The following PACRGL variants were observed in gnomAD, a reference collection of about 807,000 sequenced individuals.
PACRGL encodes parkin coregulated like, also known as PACRG-like protein.
A neutral mutation model predicts 34.5 loss-of-function variants in PACRGL; 38 were observed. The observed-to-expected ratio is 1.10, with a 90% CI of 0.85 to 1.44. The LOEUF is 1.44. PACRGL is among the 40% of genes most tolerant of loss of function. The pLI is 0.00. For missense variants in PACRGL, 305 were observed against 281.4 expected (o/e 1.08, Z -0.60); for synonymous variants, 128 against 100.1 (o/e 1.28, Z -1.66).
At chr4:20,742,139 G>C (rs960666339) in intron 8 of PACRGL, among the ~76,000 whole-genome samples, 1 of 152,102 alleles carries the variant, frequency 6.6e-6, no homozygotes, top group Non-Finnish European at 1.5e-5. Flanking sequence ...TCTACCAGAG[G>C]TACAAAGAGG....
intron 6 of PACRGL, 60 bp from the exon 7 acceptor site, chr4:20,713,372 C>G (rs1448397541): frequency 1.5e-6 from 2 of 1,324,626 alleles, no homozygotes; most frequent in Non-Finnish European, 2.2e-6. Flanking sequence ...CCTATCTTTT[C>G]TTTCCTTTTC....
At chr4:20,752,855 T>C (rs772112754) in exon 9 of PACRGL, 4 of 152,212 alleles carry the variant, frequency 2.6e-5, no homozygotes, top group Non-Finnish European at 4.4e-5. Context: ...CTGGTTTTAC[T>C]CAACTGTGTT....
intron 5 of PACRGL, among the ~76,000 whole-genome samples, chr4:20,711,175 A>G (rs1375419307): frequency 6.6e-6 from 1 of 151,748 alleles, no homozygotes. Flanking sequence ...TTTTTTTTAG[A>G]CTAGTCAAAA....
Position 20,705,440 on chromosome 4 carries a change from A to G in PACRGL, c.207+626A>G, listed in dbSNP as rs925515709. ...CTCCTGACTGACTGTGGTGGTAGGTAGGGGTATGGCAGTTACTTAAGGAAG... is the reference window on the plus strand; with the variant it reads ...CTCCTGACTGACTGTGGTGGTAGGTGGGGGTATGGCAGTTACTTAAGGAAG... On this transcript the variant is annotated intron_variant, in intron 3 of 8. Transcript: ENST00000503585. Among the ~76,000 whole-genome samples the G allele has an allele frequency of 5.9e-5, 9 of 152,264 alleles. No homozygotes were observed. The East Asian group carries it at 1.4e-3, about 23-fold the overall frequency.
At chr4:20,719,246 C>CT (rs1741771618) in intron 7 of PACRGL, among the ~76,000 whole-genome samples, 1 of 152,098 alleles carries the variant, frequency 6.6e-6, no homozygotes, top group Non-Finnish European at 1.5e-5. Context: ...TGCTAGCAGT[C>CT]TATCAATTTT....
the PACRGL span, among the ~76,000 whole-genome samples, chr4:20,760,211 C>T: frequency 6.6e-6 from 1 of 152,056 alleles, no homozygotes; most frequent in Non-Finnish European, 1.5e-5. Flanking sequence ...TCAGAGCTCC[C>T]CTGACTCTAG....
At position 20,704,806 on chromosome 4, in the gene PACRGL, A is replaced by G. The variant is rs777233022; in HGVS notation, c.199A>G (p.Ile67Val). 1.2e-6 allele frequency: 2 copies of G among 1,613,916 alleles called. No homozygotes were observed. The highest frequency in any genetic ancestry group is 4.5e-5 in the East Asian group (2 of 44,856). The change falls in exon 3 of 9, where the codon ATT becomes GTT. Residue 67 changes from isoleucine (I) to valine (V), a missense_variant. Physicochemically the swap from Ile to Val is conservative, Grantham distance 29. Transcript: ENST00000503585. Reference protein sequence around the residue: ...RPSDKLNPKTINPFGEQSRVP... With the variant: ...RPSDKLNPKTVNPFGEQSRVP... ...AAGTGATAAACTGAACCCTAAAACA[A>G]TTAATCCGGTAGGTCCAAAACTATT...
chr4:20,718,110 G>A (rs1741054311), intron 7 of PACRGL, among the ~76,000 whole-genome samples: 1 of 152,228 alleles, frequency 6.6e-6, no homozygotes, highest in East Asian at 1.9e-4. Context: ...GTGAATGGGA[G>A]TTCACTCATG....
chr4:20,725,427 T>C (rs1416746185), intron 8 of PACRGL, among the ~76,000 whole-genome samples: 3 of 152,140 alleles, frequency 2.0e-5, no homozygotes, highest in Non-Finnish European at 4.4e-5. Context: ...TTATTCTAAC[T>C]TTTCAAGGTA....
intron 8 of PACRGL, 44 bp downstream of exon 8, chr4:20,724,932 G>A (rs933632375): frequency 2.6e-6 from 3 of 1,132,442 alleles, no homozygotes; most frequent in Non-Finnish European, 3.5e-6. Flanking sequence ...TTAACTTTTA[G>A]GTGTATTACT....
intron 8 of PACRGL, among the ~76,000 whole-genome samples, chr4:20,748,560 TTA>T (rs3075750): frequency 0.054 from 3,418 of 63,698 alleles, 38 homozygotes; most frequent in African/African-American, 0.07. Context: ...CTTCCAAATT[TTA>T]TATATATATA....
In PACRGL at chr4:20,729,271, A is replaced by AACATCCTTGTTTT; in HGVS notation, c.*1931_*1943dup. ...TCCTGACCCTTTGCATATGTCTGTA[A>AACATCCTTGTTTT]ACATCCTTGTTTTGTTTGATGCCTT... On this transcript the variant is annotated 3_prime_UTR_variant, in exon 9 of 9. Transcript: ENST00000503585. 1.3e-5 allele frequency: 2 copies of AACATCCTTGTTTT among 152,214 alleles called. No individual in the cohort carries two copies. Among genetic ancestry groups the AACATCCTTGTTTT allele is most frequent in the Non-Finnish European group, 2.9e-5 (2 of 67,982 alleles). 9.4% of individuals were successfully genotyped at this position (152,214 alleles called of 1,614,324 possible). A position where few individuals can be genotyped will look rare whatever the true frequency, so the allele number is the denominator to read the frequency against.
At chr4:20,696,372 T>C (rs754239237), upstream of PACRGL, 1 of 152,088 alleles carries the variant, frequency 6.6e-6, no homozygotes, top group Admixed American at 6.5e-5. Context: ...GAAAAACACA[T>C]GAGCAATCTA....
At chr4:20,764,478 C>A in the PACRGL span, among the ~76,000 whole-genome samples, 1 of 152,112 alleles carries the variant, frequency 6.6e-6, no homozygotes, top group Non-Finnish European at 1.5e-5. Context: ...ATGCATCCTT[C>A]TGTGACTGCA....
At position 20,704,817 on chromosome 4, in the gene PACRGL, A is replaced by G. The variant is rs1733809054; in HGVS notation, c.207+3A>G. On this transcript the variant is annotated splice_donor_region_variant and intron_variant, in intron 3 of 8. Coordinates refer to ENST00000503585, the MANE Select transcript of PACRGL (RefSeq NM_001258345.3). ...TGAACCCTAAAACAATTAATCCGGT[A>G]GGTCCAAAACTATTCCTAACTCAGT... The G allele has an allele frequency of 1.2e-6, 2 of 1,613,706 alleles. No individual in the cohort carries two copies.
At chr4:20,722,324 C>A (rs1409393089) in intron 7 of PACRGL, among the ~76,000 whole-genome samples, 5 of 152,214 alleles carry the variant, frequency 3.3e-5, no homozygotes, top group African/African-American at 1.2e-4. Flanking sequence ...TGCGCTATAC[C>A]CGCTGTCCTG....
intron 4 of PACRGL, among the ~76,000 whole-genome samples, chr4:20,709,339 AATT>A (rs1200239808): frequency 6.6e-6 from 1 of 152,150 alleles, no homozygotes; most frequent in Non-Finnish European, 1.5e-5. Flanking sequence ...CATTTTTAAT[AATT>A]ACTATGTTTT....
intron 6 of PACRGL, 109 bp from the exon 7 acceptor site, chr4:20,713,323 A>G (rs569083774): frequency 8.5e-5 from 65 of 766,660 alleles, no homozygotes; most frequent in Non-Finnish European, 7.5e-5. Context: ...TAGATGTTTA[A>G]TCTTATCCTT....
chr4:20,714,457 G>T (rs1203662728), intron 7 of PACRGL, among the ~76,000 whole-genome samples: 3 of 152,088 alleles, frequency 2.0e-5, no homozygotes, highest in Non-Finnish European at 4.4e-5. Context: ...TATCCAATAT[G>T]CCAGTCTGTG....
Sources: allele counts gnomAD v4.1 joint callset (sites outside exome capture counted in the v4.1 genomes callset), GRCh38; gene constraint gnomAD v4.1.1; transcripts MANE v1.5; gene names NCBI Gene and HGNC (gene_info 2026-07-23, HGNC 2026-07-21).